The following ADAMTSL4 variants were observed in gnomAD, a reference collection of about 807,000 sequenced individuals.
ADAMTSL4 encodes the protein ADAMTS like 4.
A neutral mutation model predicts 122.8 loss-of-function variants in ADAMTSL4; 97 were observed. The ratio of observed to expected loss-of-function variants is 0.79; its 90% CI spans 0.67 to 0.93. The LOEUF is 0.93. Ranked by LOEUF, ADAMTSL4 falls within the 40% of genes least tolerant of loss-of-function variation. The pLI, the probability that ADAMTSL4 is intolerant of heterozygous loss-of-function variation, is 0.00. For missense variants in ADAMTSL4, 1,408 were observed against 1,453.5 expected (o/e 0.97, Z 0.51); for synonymous variants, 592 against 568.0 (o/e 1.04, Z -0.60).
In ADAMTSL4 at chr1:150,552,915, T is replaced by C; in HGVS notation, c.96T>C (p.Ser32=). The change falls in exon 5 of 19, where the codon TCT becomes TCC. Residue 32 remains serine, a synonymous_variant. Transcript: ENST00000271643. The surrounding 1 kb of genome is among the most constrained non-coding windows in gnomAD (Gnocchi z 4.0). ...CTATATAGGTGTTGTCCGGACACTC[T>C]CTTCAGACACCTACAGAGGAGGGCC... The part of the protein sequence containing the change: ...CLDQEVLSGH[S]LQTPTEEGQG... 5 of 1,612,898 alleles carry C rather than the reference T, an allele frequency of 3.1e-6. No individual in the cohort carries two copies. In the South Asian group the frequency reaches 5.5e-5, roughly 18 times the overall value.
chr1:150,555,774 GAC>G (rs57678741), intron 8 of ADAMTSL4, among the ~76,000 whole-genome samples: 1,604 of 151,100 alleles, frequency 0.011, 34 homozygotes, highest in African/African-American at 0.037. Context: ...TGCATATGCA[GAC>G]ACATGCATGC....
In ADAMTSL4 at chr1:150,556,967, T is replaced by G. The variant is rs779387985; in HGVS notation, c.1778T>G (p.Val593Gly). 2.0e-5 allele frequency: 33 copies of G among 1,613,924 alleles called. No individual in the cohort carries two copies. Among genetic ancestry groups the G allele is most frequent in the Non-Finnish European group, 2.6e-5 (31 of 1,179,988 alleles). ...ATCTTTCAGGAGGAAAACCCAGGCG[T>G]TTTTTATCAGTATGTCATCTCTTCA... ...YMIFQEENPG[V>G]FYQYVISSPP... is the part of the protein sequence containing the mutation. Residue 593 changes from valine (V) to glycine (G), a missense_variant, in exon 11 of 19, where the codon GTT (valine) becomes GGT (glycine). Val to Gly is a moderately radical substitution (Grantham distance 109, BLOSUM62 -3). Coordinates refer to ENST00000271643, the MANE Select transcript of ADAMTSL4 (RefSeq NM_019032.6). The surrounding 1 kb of genome is among the most constrained non-coding windows in gnomAD (Gnocchi z 4.1).
At chr1:150,560,039 A>G (rs1449021068) in intron 18 of ADAMTSL4, 21 bp from the exon 19 acceptor site, 2 of 1,614,024 alleles carry the variant, frequency 1.2e-6, no homozygotes, top group Admixed American at 3.3e-5. Flanking sequence ...TCTTGTGCCC[A>G]CTGGCCTCCT....
Position 150,557,041 on chromosome 1 carries a change from C to T in ADAMTSL4, c.1852C>T (p.Leu618Phe). Reference protein sequence around the residue: ...NPTPEPPVPQLQPEILRVEPP... With the variant: ...NPTPEPPVPQFQPEILRVEPP... Reference sequence around the variant, plus strand: ...CACCCCAGAGCCCCCTGTCCCCCAGCTTCAGCCGGGTAAGACTCTGACCCC... The same window carrying T: ...CACCCCAGAGCCCCCTGTCCCCCAGTTTCAGCCGGGTAAGACTCTGACCCC... Residue 618 changes from leucine to phenylalanine, a missense_variant, in exon 11 of 19, where the codon CTT becomes TTT. By Grantham distance (22) the Leu-to-Phe change is conservative. Transcript: ENST00000271643. The T allele has an allele frequency of 1.9e-6, 3 of 1,613,852 alleles. No individual in the cohort carries two copies. The highest frequency in any genetic ancestry group is 1.1e-5 in the South Asian group (1 of 91,074).
intron 14 of ADAMTSL4, 87 bp from the exon 15 acceptor site, chr1:150,558,386 G>A: frequency 6.3e-7 from 1 of 1,591,592 alleles, no homozygotes; most frequent in East Asian, 2.3e-5. Flanking sequence ...GGGATCGAAG[G>A]CAGAGCCTGG....
Position 150,559,024 on chromosome 1 carries a change from A to G in ADAMTSL4, c.2622A>G (p.Ala874=). ...RRSVVCLGSG[A]ALGPGQGEAG... ...CTGTGGTCTGCCTTGGGAGTGGGGC[A>G]GCCCTCGGGCCAGGCCAGGGGGAAG... The change falls in exon 16 of 19, where the codon GCA becomes GCG. Residue 874 remains alanine (A), a synonymous_variant. Transcript: ENST00000271643. This position sits in a 1 kb window ranked among gnomAD's most constrained non-coding sequence, Gnocchi z 4.1. 6.2e-7 allele frequency: 1 copy of G among 1,612,066 alleles called. No homozygotes were observed. Among genetic ancestry groups the G allele is most frequent in the South Asian group, 1.1e-5 (1 of 90,962 alleles).
chr1:150,552,044 C>T lies in ADAMTSL4; in HGVS notation c.-84-161C>T. ...CTGAGGTCAGCCCCTGACCATGTAG[C>T]CTCTACAGATGGACAAGGCAGTGAT... is the stretch of plus-strand genomic sequence containing the variant. On this transcript the variant is annotated intron_variant, in intron 2 of 18. Coordinates refer to ENST00000271643, the MANE Select transcript of ADAMTSL4 (RefSeq NM_019032.6). The surrounding 1 kb of genome is among the most constrained non-coding windows in gnomAD (Gnocchi z 4.0). 1.7e-6 allele frequency: 1 copy of T among 575,282 alleles called. No homozygotes were observed. Among genetic ancestry groups the T allele is most frequent in the Non-Finnish European group, 3.1e-6 (1 of 321,750 alleles). The allele number at this position is 575,282 out of a possible 1,614,324, so 35.6% of individuals were successfully genotyped here. A position where few individuals can be genotyped will look rare whatever the true frequency, so the allele number is the denominator to read the frequency against.
rs1437316452 is a variant in ADAMTSL4, at chr1:150,559,096, T to G, written c.2694T>G (p.Pro898=). Residue 898 remains proline (P), a synonymous_variant, in exon 16 of 19, where the codon CCT becomes CCG. Transcript: ENST00000271643. The surrounding 1 kb of genome is among the most constrained non-coding windows in gnomAD (Gnocchi z 4.1). The part of the protein sequence containing the change: ...GQSCPTGSRP[P]DMRACSLGPC... ...GCTGTCCAACAGGAAGCCGGCCCCC[T>G]GACATGCGCGCCTGCAGCCTGGGGC... 6.2e-7 allele frequency: 1 copy of G among 1,612,844 alleles called. No homozygotes were observed. The highest frequency in any genetic ancestry group is 8.5e-7 in the Non-Finnish European group (1 of 1,179,914).
chr1:150,555,657 G>A (rs1307750050), intron 8 of ADAMTSL4, 92 bp downstream of exon 8: 1 of 1,559,804 alleles, frequency 6.4e-7, no homozygotes, highest in Non-Finnish European at 8.7e-7. Context: ...ACATATGTAT[G>A]AACACATGCA....
Position 150,553,011 on chromosome 1 carries a change from G to C in ADAMTSL4, c.192G>C (p.Val64=). 6.2e-7 allele frequency: 1 copy of C among 1,613,278 alleles called. No homozygotes were observed. Among genetic ancestry groups the C allele is most frequent in the South Asian group, 1.1e-5 (1 of 91,080 alleles). Residue 64 remains valine (V), a synonymous_variant, in exon 5 of 19, where the codon GTG becomes GTC. Coordinates refer to ENST00000271643, the MANE Select transcript of ADAMTSL4 (RefSeq NM_019032.6). Reference sequence around the variant, plus strand: ...GCTCCCAGCCCTGCGGGGTGGGGGTGCAGCGCAGGAGCCGGACATGTCAGC... The same window carrying C: ...GCTCCCAGCCCTGCGGGGTGGGGGTCCAGCGCAGGAGCCGGACATGTCAGC... ...ASCSQPCGVG[V]QRRSRTCQLP...
Position 150,553,027 on chromosome 1 carries a change from A to C in ADAMTSL4, c.208A>C (p.Thr70Pro). ...GGTGGGGGTGCAGCGCAGGAGCCGG[A>C]CATGTCAGCTCCCTACAGTGCAGCT... ...CGVGVQRRSR[T>P]CQLPTVQLHP... is the part of the protein sequence containing the mutation. Residue 70 changes from threonine (T) to proline (P), a missense_variant, in exon 5 of 19, where the codon ACA becomes CCA. Physicochemically the swap from Thr to Pro is conservative, Grantham distance 38. Transcript: ENST00000271643. 6.2e-7 allele frequency: 1 copy of C among 1,613,242 alleles called. No individual in the cohort carries two copies. Among genetic ancestry groups the C allele is most frequent in the Non-Finnish European group, 8.5e-7 (1 of 1,179,880 alleles).
intron 8 of ADAMTSL4, chr1:150,555,856 C>T (rs923109006): frequency 3.3e-6 from 2 of 603,294 alleles, no homozygotes; most frequent in Non-Finnish European, 6.0e-6. Flanking sequence ...TGTAGACACA[C>T]ATGCATGAAC....
At position 150,559,056 on chromosome 1, in the gene ADAMTSL4, C is replaced by T. The variant is rs776469155; in HGVS notation, c.2654C>T (p.Ala885Val). 1 of 1,612,586 alleles carries T rather than the reference C, an allele frequency of 6.2e-7. No homozygotes were observed. Among genetic ancestry groups the T allele is most frequent in the South Asian group, 1.1e-5 (1 of 91,040 alleles). The change falls in exon 16 of 19, where the codon GCA becomes GTA. Residue 885 changes from alanine (A) to valine (V), a missense_variant. Ala to Val is a moderately conservative substitution (Grantham distance 64). Transcript: ENST00000271643. The surrounding 1 kb of genome is among the most constrained non-coding windows in gnomAD (Gnocchi z 4.1). ...ALGPGQGEAG[A>V]GTGQSCPTGS... ...GGGCCAGGCCAGGGGGAAGCAGGAG[C>T]AGGAACTGGGCAGAGCTGTCCAACA...
Position 150,553,175 on chromosome 1 carries a change from G to T in ADAMTSL4, c.356G>T (p.Arg119Leu). 1 of 1,610,304 alleles carries T rather than the reference G, an allele frequency of 6.2e-7. No individual in the cohort carries two copies. The highest frequency in any genetic ancestry group is 8.5e-7 in the Non-Finnish European group (1 of 1,178,086). The stretch of plus-strand genomic sequence containing the variant: ...CTCCCCTTGTACAGGACACAGTCTC[G>T]GGGAAGGGGTGGCCCACTTCGAGGT... ...ETLPLYRTQS[R>L]GRGGPLRGPA... The change falls in exon 5 of 19, where the codon CGG becomes CTG. Residue 119 changes from arginine (R) to leucine (L), a missense_variant. By Grantham distance (102) the Arg-to-Leu change is moderately radical (BLOSUM62 -2). Coordinates refer to ENST00000271643, the MANE Select transcript of ADAMTSL4 (RefSeq NM_019032.6).
intron 8 of ADAMTSL4, 88 bp downstream of exon 8, chr1:150,555,653 G>A (rs587770373): frequency 6.4e-5 from 99 of 1,539,774 alleles, no homozygotes; most frequent in Non-Finnish European, 7.9e-5. Flanking sequence ...ACACACATAT[G>A]TATGAACACA....
rs371872840 is a variant in ADAMTSL4 at position 150,557,329 on chromosome 1, G to A, written c.2041G>A (p.Gly681Arg). 22 of 1,610,194 alleles carry A rather than the reference G, an allele frequency of 1.4e-5. No homozygotes were observed. The African/African-American group carries it at 2.1e-4, about 16-fold the overall frequency. Residue 681 changes from glycine (G) to arginine (R), a missense_variant, in exon 12 of 19, where the codon GGG (glycine) becomes AGG (arginine). Transcript: ENST00000271643. ...ACACTCTGCATGCTCAGCGTCCTGCGGGAAAGGTGAGACATCACAGTGCGT... is the reference window on the plus strand; with the variant it reads ...ACACTCTGCATGCTCAGCGTCCTGCAGGAAAGGTGAGACATCACAGTGCGT... ...VGHSACSASC[G>R]KGVWRPIFLC... is the part of the protein sequence containing the mutation.
At position 150,553,251 on chromosome 1, in the gene ADAMTSL4, G is replaced by A; in HGVS notation, c.432G>A (p.Arg144=). 2 of 1,610,458 alleles carry A rather than the reference G, an allele frequency of 1.2e-6. No individual in the cohort carries two copies. The highest frequency in any genetic ancestry group is 1.7e-6 in the Non-Finnish European group (2 of 1,178,196). ...AGACCCAGGAGATTCGAGCGGCCAG[G>A]AGGTGAGAGGCCTGGGTGGAAGAGG... is the stretch of plus-strand genomic sequence containing the variant. ...REETQEIRAA[R]RSRLRDPIKP... Residue 144 remains arginine (R), a splice_region_variant and synonymous_variant, in exon 5 of 19, where the codon AGG becomes AGA. Coordinates refer to ENST00000271643, the MANE Select transcript of ADAMTSL4 (RefSeq NM_019032.6).
rs2101622367 is a variant in ADAMTSL4, at chr1:150,556,233, T to G, written c.1443T>G (p.Asp481Glu). ...PDGCGVCGGD[D>E]STCRLVSGNL... ...GCTGTGGAGTCTGTGGGGGTGATGATTCTACCTGTCGCCTTGTTTCGGGGA... is the reference window on the plus strand; with the variant it reads ...GCTGTGGAGTCTGTGGGGGTGATGAGTCTACCTGTCGCCTTGTTTCGGGGA... The change falls in exon 9 of 19, where the codon GAT becomes GAG. Residue 481 changes from aspartate (D) to glutamate (E), a missense_variant. Transcript: ENST00000271643. This position sits in a 1 kb window ranked among gnomAD's most constrained non-coding sequence, Gnocchi z 4.1. The G allele has an allele frequency of 1.2e-6, 2 of 1,614,180 alleles. No individual in the cohort carries two copies. Among genetic ancestry groups the G allele is most frequent in the African/African-American group, 1.3e-5 (1 of 75,044 alleles).
rs1288043174 is a variant in ADAMTSL4 at position 150,559,916 on chromosome 1, C to G, written c.3088+11C>G. The G allele has an allele frequency of 6.2e-7, 1 of 1,613,800 alleles. No homozygotes were observed. The highest frequency in any genetic ancestry group is 8.5e-7 in the Non-Finnish European group (1 of 1,180,016). ...GCAGCCAGCGCCCTGGTAAAGAGCC[C>G]CCTCTCCCCAATCCCCAATACAGTG... is the stretch of plus-strand genomic sequence containing the variant. On this transcript the variant is annotated intron_variant, in intron 18 of 18. Transcript: ENST00000271643. The surrounding 1 kb of genome is among the most constrained non-coding windows in gnomAD (Gnocchi z 4.1).
Sources: gnomAD v4.1 joint callset for allele counts (sites outside exome capture counted in the v4.1 genomes callset) on GRCh38, gnomAD v4.1.1 for gene constraint, Gnocchi (gnomAD v3.1) non-coding constraint, MANE v1.5 for transcripts, NCBI Gene and HGNC (gene_info 2026-07-23, HGNC 2026-07-21) for gene names.